Variants in ATP10A observed in about 807,000 individuals in gnomAD.
ATP10A encodes the protein ATPase phospholipid transporting 10A (putative), also known as phospholipid-transporting ATPase VA.
Under a neutral mutation model 147.8 loss-of-function variants are expected in ATP10A, and 111 were observed. The ratio of observed to expected loss-of-function variants is 0.75; its 90% CI spans 0.64 to 0.88. The LOEUF (loss-of-function observed/expected upper bound fraction) is 0.88, where lower values mean the gene tolerates loss of function less well. ATP10A is among the 40% of genes least tolerant of loss of function. The pLI is 0.00. For missense variants in ATP10A, 1,927 were observed against 1,959.0 expected (o/e 0.98, Z 0.31); for synonymous variants, 875 against 841.6 (o/e 1.04, Z -0.69).
chr15:25,680,699 C>A (rs531664115), intron 19 of ATP10A, 111 bp downstream of exon 19: 38 of 992,408 alleles, frequency 3.8e-5, no homozygotes, highest in South Asian at 3.7e-4. Flanking sequence ...GTCAGCTTTG[C>A]AGTCTCCTGT....
chr15:25,741,908 C>A (rs997050001), intron 2 of ATP10A, among the ~76,000 whole-genome samples: 1 of 152,186 alleles, frequency 6.6e-6, no homozygotes, highest in African/African-American at 2.4e-5. Flanking sequence ...AAACACCGAA[C>A]GTACAAGGAA....
intron 1 of ATP10A, among the ~76,000 whole-genome samples, chr15:25,819,824 C>T (rs1891806040): frequency 6.6e-6 from 1 of 152,026 alleles, no homozygotes; most frequent in African/African-American, 2.4e-5. Flanking sequence ...AACTAAGAAA[C>T]AGAAAGTCAG....
chr15:25,741,121 C>T (rs974418987), intron 2 of ATP10A, among the ~76,000 whole-genome samples: 30 of 152,236 alleles, frequency 2.0e-4, no homozygotes, highest in African/African-American at 7.0e-4. Context: ...CATCAAACCC[C>T]GTGCTTCCTG....
At chr15:25,713,180 T>G (rs1436602302) in intron 10 of ATP10A, among the ~76,000 whole-genome samples, 2 of 151,896 alleles carry the variant, frequency 1.3e-5, no homozygotes, top group African/African-American at 4.8e-5. Context: ...GAGGGAGAGG[T>G]GGGTGGCCAG....
chr15:25,844,315 G>A (rs369521590), intron 1 of ATP10A, among the ~76,000 whole-genome samples: 9 of 152,106 alleles, frequency 5.9e-5, no homozygotes, highest in East Asian at 3.9e-4. Flanking sequence ...GAGCCTCTAC[G>A]AAAGGGAGGA....
intron 3 of ATP10A, among the ~76,000 whole-genome samples, chr15:25,732,064 G>T (rs947571978): frequency 3.9e-5 from 6 of 152,020 alleles, no homozygotes; most frequent in East Asian, 3.9e-4. Flanking sequence ...TAGAGACAAG[G>T]TCTCACTACA....
At chr15:25,845,493 G>A (rs1892982115) in intron 1 of ATP10A, among the ~76,000 whole-genome samples, 1 of 152,128 alleles carries the variant, frequency 6.6e-6, no homozygotes, top group South Asian at 2.1e-4. Context: ...CCAGAGAGCA[G>A]GGCCTTACAA....
intron 1 of ATP10A, among the ~76,000 whole-genome samples, chr15:25,787,611 TAAAA>T (rs745619844): frequency 2.2e-5 from 2 of 90,042 alleles, no homozygotes; most frequent in African/African-American, 3.7e-5. Context: ...GACTCCTTCT[TAAAA>T]AAAAAAAAAA....
At chr15:25,834,173 A>T (rs899555537) in intron 1 of ATP10A, among the ~76,000 whole-genome samples, 3 of 152,238 alleles carry the variant, frequency 2.0e-5, no homozygotes, top group Admixed American at 2.0e-4. Flanking sequence ...GTCAATTAAA[A>T]ATAATAATTT....
chr15:25,781,035 C>T lies in ATP10A; in HGVS notation c.638G>A (p.Arg213His), dbSNP rs374039199. The change falls in exon 2 of 21, where the codon CGC (arginine) becomes CAC (histidine). Residue 213 changes from arginine to histidine, a missense_variant. Coordinates refer to ENST00000555815, the MANE Select transcript of ATP10A (RefSeq NM_024490.4). ...GTCACTTACAAGCTCCGAGAAGCCG[C>T]GGACCACCTGCCGCCGCTTCAGGTT... Reference protein sequence around the residue: ...ETNLKRRQVVRGFSELVSEFN... With the variant: ...ETNLKRRQVVHGFSELVSEFN... The T allele has an allele frequency of 6.8e-6, 11 of 1,613,836 alleles. No individual in the cohort carries two copies. The highest frequency in any genetic ancestry group is 4.0e-5 in the African/African-American group (3 of 74,922).
chr15:25,775,813 C>G (rs1300967722), intron 2 of ATP10A, among the ~76,000 whole-genome samples: 3 of 152,266 alleles, frequency 2.0e-5, no homozygotes, highest in Admixed American at 1.3e-4. Flanking sequence ...CTTCCCGACA[C>G]TGACGTGTCC....
chr15:25,821,407 A>AC (rs1395401956), intron 1 of ATP10A, among the ~76,000 whole-genome samples: 4 of 151,774 alleles, frequency 2.6e-5, no homozygotes, highest in Non-Finnish European at 5.9e-5. Context: ...AACAAAAAAA[A>AC]AAACAAACAA....
At chr15:25,715,791 G>A (rs930113595) in intron 9 of ATP10A, among the ~76,000 whole-genome samples, 1 of 152,194 alleles carries the variant, frequency 6.6e-6, no homozygotes, top group Non-Finnish European at 1.5e-5. Flanking sequence ...CATCGCCTGC[G>A]GAGGGACCTG....
rs76046617 is a variant in ATP10A at position 25,824,971 on chromosome 15, A to G, written c.449+37677T>C. Reference sequence around the variant, plus strand: ...AGCCCAGGAGTCTGAGGTTGCAGTGAGCACCACTGCACTCCAGCCCAGGTG... The same window carrying G: ...AGCCCAGGAGTCTGAGGTTGCAGTGGGCACCACTGCACTCCAGCCCAGGTG... On this transcript the variant is annotated intron_variant, in intron 1 of 20. Transcript: ENST00000555815. Among the ~76,000 whole-genome samples, 490 of 152,014 alleles carry G rather than the reference A, an allele frequency of 3.2e-3. 4 individuals are homozygous for G. The highest frequency in any genetic ancestry group is 0.011 in the African/African-American group (472 of 41,478).
intron 2 of ATP10A, among the ~76,000 whole-genome samples, chr15:25,776,303 C>T (rs1047738918): frequency 6.6e-6 from 1 of 152,172 alleles, no homozygotes; most frequent in African/African-American, 2.4e-5. Flanking sequence ...AGTGGAGGAA[C>T]CCGCTCCGAA....
intron 6 of ATP10A, among the ~76,000 whole-genome samples, chr15:25,723,136 G>A (rs575219966): frequency 1.3e-3 from 202 of 152,182 alleles, no homozygotes; most frequent in Non-Finnish European, 2.1e-3. Context: ...ATCACTTGAG[G>A]TCAGGAGTTC....
intron 3 of ATP10A, among the ~76,000 whole-genome samples, chr15:25,731,108 G>A (rs138785593): frequency 3.1e-3 from 477 of 152,316 alleles, no homozygotes; most frequent in Non-Finnish European, 5.1e-3. Context: ...GTCTCTGAAG[G>A]GTGTCACCCA....
rs908103263 is a variant in ATP10A at position 25,802,101 on chromosome 15, G to A, written c.450-20878C>T. Among the ~76,000 whole-genome samples the A allele has an allele frequency of 4.6e-5, 7 of 151,902 alleles. No individual in the cohort carries two copies. The South Asian group carries it at 6.2e-4, about 14-fold the overall frequency. ...TAAAATAATTTTCCTGTGTTGACTC[G>A]GTAAAATGTTGCTTTTGGGCCAAAA... On this transcript the variant is annotated intron_variant, in intron 1 of 20. Coordinates refer to ENST00000555815, the MANE Select transcript of ATP10A (RefSeq NM_024490.4).
Position 25,830,628 on chromosome 15 carries a change from C to T in ATP10A, c.449+32020G>A, listed in dbSNP as rs188515808. ...CACTGGCCACATGATCTCTTAACAG[C>T]CCAGTTCGCCACGGCCCCCTTCCGT... is the stretch of plus-strand genomic sequence containing the variant. On this transcript the variant is annotated intron_variant, in intron 1 of 20. Transcript: ENST00000555815. 1.8e-4 allele frequency among the ~76,000 whole-genome samples: 27 copies of T among 152,286 alleles called. No individual in the cohort carries two copies. The East Asian group carries it at 5.2e-3, about 29-fold the overall frequency.
Sources: gnomAD v4.1 joint callset for allele counts (sites outside exome capture counted in the v4.1 genomes callset) on GRCh38, gnomAD v4.1.1 for gene constraint, MANE v1.5 for transcripts, NCBI Gene and HGNC (gene_info 2026-07-23, HGNC 2026-07-21) for gene names.